LEPR: variants seen among roughly 807,000 people sequenced by gnomAD.
LEPR encodes leptin receptor.
A neutral mutation model predicts 114.7 loss-of-function variants in LEPR; 56 were observed. That is an observed-to-expected ratio of 0.49 (90% CI 0.39 to 0.61). LEPR has a LOEUF of 0.61. Among genes scored for constraint, LEPR ranks in the 20% least tolerant of loss-of-function variants. LEPR has a pLI of 0.00. For synonymous variants in LEPR, 443 were observed against 461.4 expected (o/e 0.96, Z 0.51); for missense variants, 1,202 against 1,352.9 (o/e 0.89, Z 1.75).
chr1:65,456,018 G>C (rs981458222), intron 2 of LEPR, among the ~76,000 whole-genome samples: 2 of 152,196 alleles, frequency 1.3e-5, no homozygotes, highest in African/African-American at 4.8e-5. Flanking sequence ...GAAAAGCACA[G>C]TATTCGGGTG....
intron 3 of LEPR, among the ~76,000 whole-genome samples, chr1:65,569,536 G>A (rs1160518915): frequency 2.0e-5 from 3 of 151,736 alleles, no homozygotes; most frequent in Admixed American, 6.6e-5. Flanking sequence ...GCAAAACCCC[G>A]TCTCTACTAA....
intron 2 of LEPR, among the ~76,000 whole-genome samples, chr1:65,476,520 T>C (rs372899467): frequency 6.6e-6 from 1 of 152,276 alleles, no homozygotes; most frequent in East Asian, 1.9e-4. Flanking sequence ...TCATTCCTCA[T>C]GTTTTTGCCA....
intron 2 of LEPR, among the ~76,000 whole-genome samples, chr1:65,545,988 G>T (rs558186087): frequency 6.6e-6 from 1 of 151,632 alleles, no homozygotes; most frequent in Non-Finnish European, 1.5e-5. Flanking sequence ...TTTTGTATAA[G>T]GTGTAAGGAA....
intron 2 of LEPR, among the ~76,000 whole-genome samples, chr1:65,484,377 C>T (rs926501022): frequency 6.6e-6 from 1 of 152,150 alleles, no homozygotes; most frequent in Non-Finnish European, 1.5e-5. Context: ...GTTACATATA[C>T]ATGCCTCCCA....
At chr1:65,425,419 T>C in intron 2 of LEPR, 41 bp downstream of exon 2, 2 of 1,537,466 alleles carry the variant, frequency 1.3e-6, no homozygotes, top group African/African-American at 2.8e-5. Context: ...TCTTTCTGTG[T>C]CTTTGTCACT....
chr1:65,618,219 AT>A, intron 16 of LEPR, 73 bp downstream of exon 16: 11 of 1,412,950 alleles, frequency 7.8e-6, no homozygotes, highest in East Asian at 2.3e-5. Flanking sequence ...TTCTATTAAT[AT>A]AGCCAGTTAA....
chr1:65,506,373 T>C (rs10082121), intron 2 of LEPR, among the ~76,000 whole-genome samples: 3,365 of 152,280 alleles, frequency 0.022, 122 homozygotes, highest in African/African-American at 0.075. Context: ...TACAGCACAC[T>C]ATGTTTTGAG....
intron 2 of LEPR, among the ~76,000 whole-genome samples, chr1:65,449,731 A>G (rs962105581): frequency 8.0e-6 from 1 of 125,044 alleles, no homozygotes; most frequent in Non-Finnish European, 1.8e-5. Context: ...TTTTTTTTCT[A>G]TTGATTTTCT....
intron 2 of LEPR, chr1:65,435,190 T>G: frequency 2.0e-6 from 2 of 985,398 alleles, no homozygotes; most frequent in Non-Finnish European, 2.4e-6. Flanking sequence ...AGTTGTTTCT[T>G]TTCTTCCACT....
chr1:65,565,526 T>C lies in LEPR; in HGVS notation c.-20-20T>C. ...TTTTTGTTTTTGTGTGTGTTCTGAT[T>C]TTAGATTTACCTTTTCCAGGTGTAC... On this transcript the variant is annotated intron_variant, in intron 2 of 19. Coordinates refer to ENST00000349533, the MANE Select transcript of LEPR (RefSeq NM_002303.6). 6 of 1,613,432 alleles carry C rather than the reference T, an allele frequency of 3.7e-6. No homozygotes were observed. Among genetic ancestry groups the C allele is most frequent in the Non-Finnish European group, 5.1e-6 (6 of 1,179,622 alleles).
At chr1:65,472,312 C>T (rs945750084) in intron 2 of LEPR, among the ~76,000 whole-genome samples, 13 of 151,566 alleles carry the variant, frequency 8.6e-5, no homozygotes, top group East Asian at 5.8e-4. Flanking sequence ...TTTGGGAAAA[C>T]GGGTGGAGTG....
chr1:65,554,021 G>C (rs752457508), intron 2 of LEPR, among the ~76,000 whole-genome samples: 4 of 152,174 alleles, frequency 2.6e-5, no homozygotes, highest in Non-Finnish European at 4.4e-5. Context: ...GTTTGCCTGG[G>C]TATCACCAGC....
intron 2 of LEPR, among the ~76,000 whole-genome samples, chr1:65,482,918 G>T (rs1016879387): frequency 1.3e-5 from 2 of 151,678 alleles, no homozygotes; most frequent in Non-Finnish European, 2.9e-5. Context: ...AACCTGGGAG[G>T]TGGAGGTTGC....
At chr1:65,509,217 C>T (rs537406228) in intron 2 of LEPR, among the ~76,000 whole-genome samples, 6 of 152,118 alleles carry the variant, frequency 3.9e-5, no homozygotes, top group African/African-American at 1.4e-4. Flanking sequence ...TAGGACTTCC[C>T]GTACTATGTT....
intron 2 of LEPR, among the ~76,000 whole-genome samples, chr1:65,513,314 C>G (rs1649118264): frequency 6.6e-6 from 1 of 152,176 alleles, no homozygotes; most frequent in South Asian, 2.1e-4. Context: ...AGGAGGGGAA[C>G]AGGCTGATAA....
chr1:65,539,686 C>A (rs1169872207), intron 2 of LEPR, among the ~76,000 whole-genome samples: 1 of 152,186 alleles, frequency 6.6e-6, no homozygotes, highest in African/African-American at 2.4e-5. Context: ...ACTTAATAAG[C>A]CCCTGTTTTC....
intron 2 of LEPR, among the ~76,000 whole-genome samples, chr1:65,519,173 C>A (rs75331601): frequency 6.9e-6 from 1 of 145,804 alleles, no homozygotes; most frequent in South Asian, 2.2e-4. Flanking sequence ...TCCTTCCTTC[C>A]GGGTCTCATT....
intron 5 of LEPR, among the ~76,000 whole-genome samples, chr1:65,580,102 C>T (rs1476640794): frequency 1.3e-5 from 2 of 152,024 alleles, no homozygotes; most frequent in African/African-American, 4.8e-5. Flanking sequence ...CCATTTTTTT[C>T]CTGCCACATT....
At position 65,504,803 on chromosome 1, in the gene LEPR, C is replaced by T. The variant is rs927364623; in HGVS notation, c.-20-60743C>T. 2.4e-4 allele frequency among the ~76,000 whole-genome samples: 37 copies of T among 152,146 alleles called. 1 individual carries two copies. The highest frequency in any genetic ancestry group is 8.7e-4 in the African/African-American group (36 of 41,500). ...TGGTTCATTGGTTATGACCAATGCA[C>T]CTCACTTATATAGGATAGAAATAAT... On this transcript the variant is annotated intron_variant, in intron 2 of 19. Transcript: ENST00000349533.
Sources: gnomAD v4.1 joint callset for allele counts (sites outside exome capture counted in the v4.1 genomes callset) on GRCh38, gnomAD v4.1.1 for gene constraint, MANE v1.5 for transcripts, NCBI Gene and HGNC (gene_info 2026-07-23, HGNC 2026-07-21) for gene names.